XIST: variants seen among roughly 807,000 people sequenced by gnomAD.
XIST encodes the protein X inactive specific transcript, also known as X inactive specific transcript (non-protein coding).
intron 1 of XIST, chrX:73,841,276 A>G (rs982748531): frequency 9.8e-6 from 4 of 406,455 alleles, no homozygotes; most frequent in African/African-American, 5.0e-5. Context: ...AGGTGGGAAG[A>G]AGGAAAGAAA....
exon 1 of XIST, chrX:73,846,168 C>T (rs761842505): frequency 4.0e-4 from 220 of 553,880 alleles, no homozygotes; most frequent in Middle Eastern, 2.5e-3. Flanking sequence ...AACATAATCA[C>T]ACGCATACCA....
exon 1 of XIST, chrX:73,850,672 G>A: frequency 4.6e-6 from 2 of 439,000 alleles, no homozygotes; most frequent in Non-Finnish European, 8.0e-6. Flanking sequence ...TGCAGTGCAG[G>A]GCAGACCAGA....
rs747233731 is a variant in XIST at position 73,845,983 on chromosome X, G to C, written n.6741C>G. ...CTTATTCAGATGGAATGGGCAAAGT[G>C]GTTATGCACATTAATGTCCAAGGTG... is the stretch of plus-strand genomic sequence containing the variant. On this transcript the variant is annotated non_coding_transcript_exon_variant, in exon 1 of 6. Transcript: ENST00000429829. 21 of 548,820 alleles carry C rather than the reference G, an allele frequency of 3.8e-5. No homozygotes were observed. The African/African-American group carries it at 4.3e-4, about 11-fold the overall frequency. The allele number at this position is 548,820 out of a possible 1,213,427, so 45.2% of individuals were successfully genotyped here.
At chrX:73,838,454 G>A (rs760691094) in intron 1 of XIST, among the ~76,000 whole-genome samples, 1 of 110,499 alleles carries the variant, frequency 9.0e-6, no homozygotes, top group South Asian at 3.8e-4. Flanking sequence ...TCTAGCACCG[G>A]TCAAATTTAC....
intron 5 of XIST, chrX:73,828,092 A>T (rs1053829655): frequency 4.7e-6 from 2 of 422,241 alleles, no homozygotes; most frequent in African/African-American, 6.5e-5. Context: ...ACAGAAAGAT[A>T]AAAAAAATCA....
intron 5 of XIST, chrX:73,829,061 A>G (rs757877326): frequency 5.4e-6 from 3 of 555,626 alleles, no homozygotes; most frequent in Non-Finnish European, 6.5e-6. Context: ...CAACATCAAC[A>G]ACTTACTTCA....
chrX:73,825,405 A>T lies in XIST; in HGVS notation n.14496T>A, dbSNP rs1163427029. 3 of 555,202 alleles carry T rather than the reference A, an allele frequency of 5.4e-6. No individual in the cohort carries two copies. In the African/African-American group the frequency reaches 6.7e-5, roughly 12 times the overall value. 45.8% of individuals were successfully genotyped at this position (555,202 alleles called of 1,213,427 possible). On this transcript the variant is annotated non_coding_transcript_exon_variant, in exon 6 of 6. Transcript: ENST00000429829. ...GTATCCACAACGCTTATCACAGTAG[A>T]ATACAAGTGCTTTACAGTTTACAAA...
At chrX:73,826,321 C>T (rs771640187) in exon 6 of XIST, 5 of 559,112 alleles carry the variant, frequency 8.9e-6, no homozygotes, top group South Asian at 2.2e-5. Context: ...GACTGAAATA[C>T]AGTATCACCT....
exon 6 of XIST, chrX:73,825,584 A>G (rs1370832825): frequency 1.9e-6 from 1 of 515,084 alleles, no homozygotes; most frequent in African/African-American, 2.3e-5. Flanking sequence ...TAAGCTATGA[A>G]CAGCAGGCCA....
chrX:73,823,116 A>C (rs747584523), exon 6 of XIST: 1 of 554,683 alleles, frequency 1.8e-6, no homozygotes, highest in Non-Finnish European at 3.2e-6. Flanking sequence ...AATACCTTTA[A>C]AACTAGTTGT....
At chrX:73,828,925 TG>T in intron 5 of XIST, 1 of 419,033 alleles carries the variant, frequency 2.4e-6, no homozygotes, top group Non-Finnish European at 4.2e-6. Flanking sequence ...GTCAGTAATA[TG>T]GAAGACTGGT....
exon 1 of XIST, chrX:73,851,620 T>C (rs746667973): frequency 1.8e-6 from 1 of 557,124 alleles, no homozygotes; most frequent in Non-Finnish European, 3.2e-6. Context: ...CTTGTACTGA[T>C]AAAAGATGAT....
chrX:73,837,369 G>C (rs981911549), intron 2 of XIST: 1 of 432,009 alleles, frequency 2.3e-6, no homozygotes, highest in Non-Finnish European at 4.0e-6. Flanking sequence ...ACATTCTATA[G>C]AATACTGGAC....
chrX:73,843,470 A>T (rs1922652802), exon 1 of XIST: 1 of 556,143 alleles, frequency 1.8e-6, no homozygotes, highest in Admixed American at 2.2e-5. Flanking sequence ...TTTCTCCTAC[A>T]CAGGTCCACA....
chrX:73,827,783 G>C (rs376474465), exon 6 of XIST: 5 of 539,394 alleles, frequency 9.3e-6, no homozygotes, highest in Non-Finnish European at 1.7e-5. Context: ...ACATCTAGGA[G>C]AGCAAAGAGA....
chrX:73,842,714 G>C lies in XIST; in HGVS notation n.10010C>G, dbSNP rs371026463. Reference sequence around the variant, plus strand: ...AAGTAGAGGGGTTCATGTATAATGGGTGGGACCAAGGAAAGTGCAACTGAG... The same window carrying C: ...AAGTAGAGGGGTTCATGTATAATGGCTGGGACCAAGGAAAGTGCAACTGAG... On this transcript the variant is annotated non_coding_transcript_exon_variant, in exon 1 of 6. Coordinates refer to ENST00000429829, the Ensembl canonical transcript of XIST. 1.8e-5 allele frequency: 10 copies of C among 556,212 alleles called. No homozygotes were observed. In the African/African-American group the frequency reaches 2.2e-4, roughly 12 times the overall value. 45.8% of individuals were successfully genotyped at this position (556,212 alleles called of 1,213,427 possible).
intron 2 of XIST, among the ~76,000 whole-genome samples, chrX:73,837,162 A>G (rs1359015577): frequency 9.0e-6 from 1 of 111,506 alleles, no homozygotes; most frequent in African/African-American, 3.3e-5. Context: ...ATAAAGACTA[A>G]TTTTACGCTG....
At chrX:73,832,485 A>G (rs768283053) in intron 3 of XIST, among the ~76,000 whole-genome samples, 61 of 112,014 alleles carry the variant, frequency 5.4e-4, no homozygotes, top group African/African-American at 1.9e-3. Flanking sequence ...TTTCAAGCTA[A>G]GAAATTTTGA....
intron 2 of XIST, chrX:73,833,450 G>A: frequency 2.1e-6 from 1 of 482,779 alleles, no homozygotes. Flanking sequence ...AAACCCCAAT[G>A]AAAAAAACCT....
Sources: allele counts gnomAD v4.1 joint callset (sites outside exome capture counted in the v4.1 genomes callset), GRCh38; gene constraint gnomAD v4.1.1; transcripts MANE v1.5; gene names NCBI Gene and HGNC (gene_info 2026-07-23, HGNC 2026-07-21).